Variants in DTD1 observed in about 807,000 individuals in gnomAD.
The protein encoded by DTD1 is D-tyrosyl-tRNA deacylase 1 homolog.
A neutral mutation model predicts 25.6 loss-of-function variants in DTD1; 13 were observed. The ratio of observed to expected loss-of-function variants is 0.51; its 90% CI spans 0.33 to 0.81. The LOEUF (loss-of-function observed/expected upper bound fraction) is 0.81. Ranked by LOEUF, DTD1 falls within the 30% of genes least tolerant of loss-of-function variation. The pLI is 0.02. For synonymous variants in DTD1, 110 were observed against 103.6 expected, an observed-to-expected ratio of 1.06 and a Z score of -0.37; for missense variants, 193 against 266.4, an observed-to-expected ratio of 0.72 and a Z score of 1.92.
chr20:18,739,655 TCTC>T (rs1208181937), intron 4 of DTD1, among the ~76,000 whole-genome samples: 1 of 152,192 alleles, frequency 6.6e-6, no homozygotes, highest in Non-Finnish European at 1.5e-5. Flanking sequence ...TTGACATGCA[TCTC>T]CTCTTAATTT....
At chr20:18,717,092 T>C (rs1372229828) in intron 4 of DTD1, among the ~76,000 whole-genome samples, 3 of 152,198 alleles carry the variant, frequency 2.0e-5, no homozygotes, top group Non-Finnish European at 4.4e-5. Context: ...CTCACAGTGT[T>C]ATTCAAGGTT....
At chr20:18,649,326 CTTTTTTTTTTT>C (rs55766733) in intron 4 of DTD1, among the ~76,000 whole-genome samples, 40 of 57,650 alleles carry the variant, frequency 6.9e-4, no homozygotes, top group South Asian at 2.8e-3. Flanking sequence ...ATTCATCTTT[CTTTTTTTTTTT>C]TTTTTTTTTT....
intron 5 of DTD1, among the ~76,000 whole-genome samples, chr20:18,760,614 AC>A (rs2061357617): frequency 6.6e-6 from 1 of 152,078 alleles, no homozygotes; most frequent in African/African-American, 2.4e-5. Context: ...TCAGAGGAGT[AC>A]CCGGCCGTGT....
Position 18,739,702 on chromosome 20 carries a change from C to T in DTD1, c.478-4398C>T, listed in dbSNP as rs1320717267. On this transcript the variant is annotated intron_variant, in intron 4 of 5. Coordinates refer to ENST00000377452, the MANE Select transcript of DTD1 (RefSeq NM_080820.6). ...TTGACATTTTGCTTGAGCTCATATG[C>T]AGTACCAGTTTCTTTTCTTCTTCTT... is the stretch of plus-strand genomic sequence containing the variant. Among the ~76,000 whole-genome samples, 7 of 152,218 alleles carry T rather than the reference C, an allele frequency of 4.6e-5. No individual in the cohort carries two copies. In the South Asian group the frequency reaches 1.5e-3, roughly 32 times the overall value.
chr20:18,599,099 G>C (rs1283437231), intron 3 of DTD1, among the ~76,000 whole-genome samples: 1 of 152,228 alleles, frequency 6.6e-6, no homozygotes, highest in Non-Finnish European at 1.5e-5. Flanking sequence ...TTCACTTACT[G>C]AAGGATATCT....
chr20:18,650,664 G>C (rs1036589030), intron 4 of DTD1, among the ~76,000 whole-genome samples: 3 of 152,160 alleles, frequency 2.0e-5, no homozygotes, highest in African/African-American at 7.2e-5. Context: ...TTCCCCAAGG[G>C]CAGGGATCTT....
intron 5 of DTD1, among the ~76,000 whole-genome samples, chr20:18,755,485 G>T (rs1331670717): frequency 2.6e-5 from 4 of 151,732 alleles, no homozygotes; most frequent in Non-Finnish European, 5.9e-5. Context: ...TGTTCTCATT[G>T]TTCAGTTCCC....
At chr20:18,684,054 A>G (rs1294959632) in intron 4 of DTD1, among the ~76,000 whole-genome samples, 1 of 152,142 alleles carries the variant, frequency 6.6e-6, no homozygotes, top group Admixed American at 6.5e-5. Context: ...GGCCTTTGTT[A>G]TGGAGATGTG....
At chr20:18,686,676 G>T (rs2122424345) in intron 4 of DTD1, among the ~76,000 whole-genome samples, 1 of 136,594 alleles carries the variant, frequency 7.3e-6, no homozygotes, top group East Asian at 2.0e-4. Flanking sequence ...GTGTGTGTGT[G>T]GTGTGTGTGT....
intron 4 of DTD1, among the ~76,000 whole-genome samples, chr20:18,639,815 C>A (rs1257405997): frequency 2.0e-5 from 3 of 152,054 alleles, no homozygotes; most frequent in Non-Finnish European, 4.4e-5. Context: ...GAGTTTGTGG[C>A]CTTGTTTCCA....
rs2061373262 is a variant in DTD1 at position 18,764,186 on chromosome 20, G to A, written c.*846G>A. The A allele has an allele frequency of 3.3e-5, 5 of 152,214 alleles. No individual in the cohort carries two copies. Among genetic ancestry groups the A allele is most frequent in the Admixed American group, 3.3e-4 (5 of 15,284 alleles). The allele number at this position is 152,214 out of a possible 1,614,324, so 9.4% of individuals were successfully genotyped here. ...TGGCCACACTGTTCTGAGACCAAGT[G>A]TGGAGCCACATCTGGTGTATCCAGC... On this transcript the variant is annotated 3_prime_UTR_variant, in exon 6 of 6. Transcript: ENST00000377452.
chr20:18,598,220 C>A (rs1397425522), intron 3 of DTD1, among the ~76,000 whole-genome samples: 3 of 151,646 alleles, frequency 2.0e-5, no homozygotes, highest in Admixed American at 1.3e-4. Flanking sequence ...TAAGTAAGAA[C>A]ATGTGGCGTT....
intron 4 of DTD1, among the ~76,000 whole-genome samples, chr20:18,640,461 A>G (rs1480829092): frequency 1.3e-5 from 2 of 152,110 alleles, no homozygotes; most frequent in Non-Finnish European, 2.9e-5. Context: ...CTTAACAAAA[A>G]TATGTTTACC....
At chr20:18,716,029 A>G (rs755262560) in intron 4 of DTD1, among the ~76,000 whole-genome samples, 1 of 152,122 alleles carries the variant, frequency 6.6e-6, no homozygotes, top group Non-Finnish European at 1.5e-5. Flanking sequence ...GGAAAGACCA[A>G]TCCTGCTGTG....
chr20:18,670,641 G>A (rs1448636824), intron 4 of DTD1, among the ~76,000 whole-genome samples: 2 of 152,204 alleles, frequency 1.3e-5, no homozygotes, highest in African/African-American at 4.8e-5. Context: ...TCTAAATAAA[G>A]TCGTTTACTC....
At chr20:18,732,420 A>C (rs1019571646) in intron 4 of DTD1, among the ~76,000 whole-genome samples, 1 of 152,232 alleles carries the variant, frequency 6.6e-6, no homozygotes, top group African/African-American at 2.4e-5. Context: ...TAGAATCAAT[A>C]GGTGCTGATT....
intron 4 of DTD1, among the ~76,000 whole-genome samples, chr20:18,698,862 G>A (rs1225626724): frequency 6.6e-6 from 1 of 152,208 alleles, no homozygotes; most frequent in African/African-American, 2.4e-5. Context: ...TCCAGGGCTG[G>A]TTACTTTGGC....
intron 5 of DTD1, among the ~76,000 whole-genome samples, chr20:18,759,743 G>T (rs2061353857): frequency 1.3e-5 from 2 of 152,164 alleles, no homozygotes; most frequent in African/African-American, 4.8e-5. Context: ...CAGTATCTTT[G>T]TGGCGTTCTC....
At chr20:18,745,822 G>A (rs1018943303) in intron 5 of DTD1, among the ~76,000 whole-genome samples, 5 of 152,126 alleles carry the variant, frequency 3.3e-5, no homozygotes, top group Admixed American at 6.5e-5. Flanking sequence ...ATCCTGGGGC[G>A]GGAGGGACCT....
Sources: allele counts gnomAD v4.1 joint callset (sites outside exome capture counted in the v4.1 genomes callset), GRCh38; gene constraint gnomAD v4.1.1; transcripts MANE v1.5; gene names NCBI Gene and HGNC (gene_info 2026-07-23, HGNC 2026-07-21).